Variants in NAALADL2 observed in about 807,000 individuals in gnomAD.
NAALADL2 encodes N-acetylated alpha-linked acidic dipeptidase like 2.
In NAALADL2, 76 loss-of-function variants were observed where a neutral mutation model predicts 87.2. That is an observed-to-expected ratio of 0.87 (90% CI 0.72 to 1.05). The LOEUF (loss-of-function observed/expected upper bound fraction) is 1.05, where lower values mean the gene tolerates loss of function less well. Among genes scored for constraint, NAALADL2 ranks in the 50% least tolerant of loss-of-function variants. The pLI, the probability that NAALADL2 is intolerant of heterozygous loss-of-function variation, is 0.00. For missense variants in NAALADL2, 1,089 were observed against 945.8 expected (o/e 1.15, Z -1.99); for synonymous variants, 354 against 331.0 (o/e 1.07, Z -0.75).
intron 5 of NAALADL2, among the ~76,000 whole-genome samples, chr3:175,395,999 T>C (rs1356128698): frequency 6.6e-6 from 1 of 152,174 alleles, no homozygotes. Flanking sequence ...CCAAAACTGC[T>C]AAAATCAATC....
In NAALADL2 at chr3:174,456,412, A is replaced by C. The variant is rs1051096691; in HGVS notation, c.-184+15380A>C. 3.0e-3 allele frequency among the ~76,000 whole-genome samples: 122 copies of C among 40,090 alleles called. 1 individual carries two copies. The East Asian group carries it at 0.28, about 92-fold the overall frequency. The allele number at this position is 40,090 out of a possible 152,430, so 26.3% of individuals were successfully genotyped here. A position where few individuals can be genotyped will look rare whatever the true frequency, so the allele number is the denominator to read the frequency against. The stretch of plus-strand genomic sequence containing the variant: ...ATCAACAGCCAAGGCAATCCTAAGC[A>C]AAAAAAAAAAAAAAAAAAAAAAATC... On this transcript the variant is annotated intron_variant, in intron 1 of 3. Coordinates refer to the NAALADL2 transcript ENST00000434257.
At chr3:175,048,611 C>A (rs1754978251) in intron 1 of NAALADL2, among the ~76,000 whole-genome samples, 1 of 151,630 alleles carries the variant, frequency 6.6e-6, no homozygotes, top group Non-Finnish European at 1.5e-5. Flanking sequence ...TCTCAGGAAC[C>A]ATTTATGCAT....
At chr3:175,517,142 C>T (rs1035301168) in intron 9 of NAALADL2, among the ~76,000 whole-genome samples, 3 of 152,094 alleles carry the variant, frequency 2.0e-5, no homozygotes, top group Non-Finnish European at 2.9e-5. Context: ...CCAGTCTATG[C>T]CCTTTATATT....
At chr3:174,667,023 T>A (rs1726016459) in intron 2 of NAALADL2, among the ~76,000 whole-genome samples, 1 of 152,186 alleles carries the variant, frequency 6.6e-6, no homozygotes, top group Non-Finnish European at 1.5e-5. Context: ...CCTTCTTTCT[T>A]AAGGCTAAAT....
At chr3:175,759,800 G>A (rs967815979) in intron 13 of NAALADL2, among the ~76,000 whole-genome samples, 1 of 152,126 alleles carries the variant, frequency 6.6e-6, no homozygotes, top group South Asian at 2.1e-4. Flanking sequence ...CGAGAGTGAA[G>A]TACAAAAGGT....
chr3:175,604,694 A>G (rs1191470853), intron 10 of NAALADL2, among the ~76,000 whole-genome samples: 1 of 152,154 alleles, frequency 6.6e-6, no homozygotes, highest in Non-Finnish European at 1.5e-5. Flanking sequence ...TTGATTAGGT[A>G]CAGGTTACAT....
rs559961764 is a variant in NAALADL2, at chr3:175,167,200, A to G, written c.546-66731A>G. On this transcript the variant is annotated intron_variant, in intron 2 of 13. Coordinates refer to ENST00000454872, the MANE Select transcript of NAALADL2 (RefSeq NM_207015.3). ...ACTCAATTCAGCCATTCATTGTAGC[A>G]GGAAAGCAGTCACAGACAATACATA... is the stretch of plus-strand genomic sequence containing the variant. Among the ~76,000 whole-genome samples, 8 of 152,242 alleles carry G rather than the reference A, an allele frequency of 5.3e-5. No homozygotes were observed. The East Asian group carries it at 1.5e-3, about 29-fold the overall frequency.
At chr3:175,652,414 A>G (rs1560917928) in intron 11 of NAALADL2, among the ~76,000 whole-genome samples, 1 of 152,048 alleles carries the variant, frequency 6.6e-6, no homozygotes. Flanking sequence ...ATGGGAGGCT[A>G]GAACTGTTAA....
chr3:175,206,023 T>C (rs142956439), intron 2 of NAALADL2, among the ~76,000 whole-genome samples: 1 of 151,910 alleles, frequency 6.6e-6, no homozygotes, highest in Non-Finnish European at 1.5e-5. Flanking sequence ...ACACCCACTA[T>C]GGAAAACAGT....
At chr3:175,655,032 C>A (rs1210836583) in intron 11 of NAALADL2, among the ~76,000 whole-genome samples, 3 of 151,612 alleles carry the variant, frequency 2.0e-5, no homozygotes, top group Admixed American at 2.0e-4. Context: ...GAGCTCACTC[C>A]AATAACAAGT....
At chr3:175,467,440 T>C (rs1309881756) in intron 8 of NAALADL2, among the ~76,000 whole-genome samples, 3 of 152,084 alleles carry the variant, frequency 2.0e-5, no homozygotes, top group Admixed American at 6.6e-5. Context: ...CACAATAGTG[T>C]TTACCTTATT....
At chr3:175,507,745 A>G (rs1158895060) in intron 9 of NAALADL2, among the ~76,000 whole-genome samples, 1 of 151,918 alleles carries the variant, frequency 6.6e-6, no homozygotes, top group Non-Finnish European at 1.5e-5. Flanking sequence ...TTAATGCTTT[A>G]TTTTCCTACT....
intron 10 of NAALADL2, among the ~76,000 whole-genome samples, chr3:175,622,598 C>T (rs181930987): frequency 5.2e-4 from 79 of 152,174 alleles, no homozygotes; most frequent in Admixed American, 4.4e-3. Flanking sequence ...AGTCCAGATT[C>T]TGCCACTTAC....
intron 1 of NAALADL2, among the ~76,000 whole-genome samples, chr3:174,466,264 C>G (rs938007190): frequency 4.0e-5 from 6 of 150,944 alleles, no homozygotes; most frequent in Non-Finnish European, 8.9e-5. Context: ...TTTCTTAAAA[C>G]ATTATGAGAT....
chr3:174,458,902 C>A (rs1577956395), intron 1 of NAALADL2, among the ~76,000 whole-genome samples: 2 of 152,056 alleles, frequency 1.3e-5, no homozygotes, highest in East Asian at 3.9e-4. Context: ...ATTTTTTCTT[C>A]AAGCCTCTAT....
At chr3:175,798,939 G>C (rs899907106) in intron 13 of NAALADL2, among the ~76,000 whole-genome samples, 2 of 151,930 alleles carry the variant, frequency 1.3e-5, no homozygotes, top group African/African-American at 2.4e-5. Flanking sequence ...TCATGCCATT[G>C]GGTTTTGCAG....
intron 4 of NAALADL2, among the ~76,000 whole-genome samples, chr3:175,314,666 CTATATATATATATATA>C (rs60572633): frequency 0.014 from 431 of 30,726 alleles, 3 homozygotes; most frequent in Middle Eastern, 0.022. Context: ...ATAGTTCTAA[CTATATATATATATATA>C]TATATATATA....
At chr3:175,050,681 T>C (rs1286810280) in intron 1 of NAALADL2, among the ~76,000 whole-genome samples, 4 of 152,200 alleles carry the variant, frequency 2.6e-5, no homozygotes, top group African/African-American at 9.6e-5. Context: ...GGAATTACCA[T>C]ACTATAAAGG....
At chr3:175,775,394 A>AGTT (rs1253339763) in intron 13 of NAALADL2, among the ~76,000 whole-genome samples, 1 of 152,086 alleles carries the variant, frequency 6.6e-6, no homozygotes, top group Non-Finnish European at 1.5e-5. Flanking sequence ...TAATAATAGT[A>AGTT]GTTATTACTC....
Sources: gnomAD v4.1 joint callset for allele counts (sites outside exome capture counted in the v4.1 genomes callset) on GRCh38, gnomAD v4.1.1 for gene constraint, MANE v1.5 for transcripts, NCBI Gene and HGNC (gene_info 2026-07-23, HGNC 2026-07-21) for gene names.